Variants in DENND4A observed in about 807,000 individuals in gnomAD.
DENND4A encodes the protein C-myc promoter-binding protein.
In DENND4A, 70 loss-of-function variants were observed where a neutral mutation model predicts 199.3. That is an observed-to-expected ratio of 0.35 (90% CI 0.29 to 0.43). The LOEUF (loss-of-function observed/expected upper bound fraction) is 0.43. Ranked by LOEUF, DENND4A falls within the 20% of genes least tolerant of loss-of-function variation. The pLI, the probability that DENND4A is intolerant of heterozygous loss-of-function variation, is 1.00. For missense variants in DENND4A, 1,723 were observed against 2,255.8 expected, an observed-to-expected ratio of 0.76 and a Z score of 4.78; for synonymous variants, 686 against 766.9, an observed-to-expected ratio of 0.89 and a Z score of 1.74.
chr15:65,704,812 G>A (rs945424176), intron 15 of DENND4A, among the ~76,000 whole-genome samples: 1 of 151,142 alleles, frequency 6.6e-6, no homozygotes, highest in Non-Finnish European at 1.5e-5. Flanking sequence ...GGTTGGTCTC[G>A]AACTCCTGAC....
At chr15:65,666,377 A>G (rs981931231) in intron 29 of DENND4A, among the ~76,000 whole-genome samples, 4 of 152,210 alleles carry the variant, frequency 2.6e-5, no homozygotes, top group Non-Finnish European at 5.9e-5. Context: ...CTACTCAATG[A>G]TTAACAAGCA....
At chr15:65,756,088 C>T (rs965340762) in intron 3 of DENND4A, 52 bp downstream of exon 3, 3 of 1,427,864 alleles carry the variant, frequency 2.1e-6, no homozygotes, top group Non-Finnish European at 2.8e-6. Context: ...TCCAAATCTA[C>T]AAGGCATATT....
At chr15:65,788,879 T>G (rs1348136235) in intron 1 of DENND4A, among the ~76,000 whole-genome samples, 1 of 132,624 alleles carries the variant, frequency 7.5e-6, no homozygotes, top group South Asian at 2.4e-4. Flanking sequence ...AAAAAAAAAG[T>G]AATAATTATT....
chr15:65,771,593 T>G (rs1197460393), intron 1 of DENND4A: 1 of 1,612,758 alleles, frequency 6.2e-7, no homozygotes, highest in Non-Finnish European at 8.5e-7. Context: ...TCCTCTTTCC[T>G]CTTCTCTTTC....
In DENND4A at chr15:65,661,910, T is replaced by G; in HGVS notation, c.5665A>C (p.Arg1889=). 1 of 1,613,150 alleles carries G rather than the reference T, an allele frequency of 6.2e-7. No homozygotes were observed. Among genetic ancestry groups the G allele is most frequent in the South Asian group, 1.1e-5 (1 of 90,800 alleles). ...TCCATCACCCCTGTACTTGGTGGTC[T>G]ATCACAGTTGTGTGTACTCTTGACT... ...SQVKSTHNCD[R]PPSTGVMECR... Residue 1889 remains arginine (R), a synonymous_variant, in exon 33 of 33, where the codon AGA becomes CGA. Coordinates refer to ENST00000443035, the MANE Select transcript of DENND4A (RefSeq NM_001320835.1).
chr15:65,760,948 G>T (rs1343571126), intron 2 of DENND4A, among the ~76,000 whole-genome samples: 3 of 152,026 alleles, frequency 2.0e-5, no homozygotes, highest in Non-Finnish European at 2.9e-5. Context: ...TATTTAATAA[G>T]TTTTTTTGAG....
At chr15:65,758,575 G>A (rs549234898) in intron 2 of DENND4A, among the ~76,000 whole-genome samples, 1 of 152,272 alleles carries the variant, frequency 6.6e-6, no homozygotes, top group Admixed American at 6.5e-5. Context: ...GCCTCCCAAA[G>A]TGTTGGGATT....
chr15:65,772,706 CAAAAAAAAAAAAAAAAA>C lies in DENND4A; in HGVS notation c.-101-11285_-101-11269del, dbSNP rs34181353. 2.1e-4 allele frequency among the ~76,000 whole-genome samples: 7 copies of C among 33,596 alleles called. No homozygotes were observed. The East Asian group carries it at 3.4e-3, about 16-fold the overall frequency. 22.0% of individuals were successfully genotyped at this position (33,596 alleles called of 152,430 possible). A position where few individuals can be genotyped will look rare whatever the true frequency, so the allele number is the denominator to read the frequency against. On this transcript the variant is annotated intron_variant, in intron 1 of 32. Transcript: ENST00000443035. ...TGGGCAACAAAATGAGACTCCGTCTCAAAAAAAAAAAAAAAAAAAAAAAAAAAAAAGACCTGATATTT... is the reference window on the plus strand; with the variant it reads ...TGGGCAACAAAATGAGACTCCGTCTCAAAAAAAAAAAAAGACCTGATATTT...
intron 1 of DENND4A, among the ~76,000 whole-genome samples, chr15:65,783,798 A>G (rs1175067315): frequency 6.6e-6 from 1 of 152,246 alleles, no homozygotes; most frequent in Non-Finnish European, 1.5e-5. Context: ...GTCCATACAT[A>G]TATAAATAAA....
chr15:65,746,077 G>C (rs2076380764), intron 4 of DENND4A, among the ~76,000 whole-genome samples: 1 of 151,440 alleles, frequency 6.6e-6, no homozygotes. Context: ...GGAGGCGGAG[G>C]TTGCGGTGTG....
rs571339231 is a variant in DENND4A, at chr15:65,755,068, TA to T, written c.311+1071del. 2.0e-4 allele frequency among the ~76,000 whole-genome samples: 31 copies of T among 152,290 alleles called. No individual in the cohort carries two copies. The East Asian group carries it at 4.0e-3, about 20-fold the overall frequency. On this transcript the variant is annotated intron_variant, in intron 3 of 32. Coordinates refer to ENST00000443035, the MANE Select transcript of DENND4A (RefSeq NM_001320835.1). Reference sequence around the variant, plus strand: ...CATATGATGGAATATTATTCAGTCATAAAATGGAATAAAGTACCGACACATA... The same window carrying T: ...CATATGATGGAATATTATTCAGTCATAAATGGAATAAAGTACCGACACATA...
chr15:65,731,211 T>C (rs548906301), intron 9 of DENND4A, among the ~76,000 whole-genome samples: 2 of 152,148 alleles, frequency 1.3e-5, no homozygotes, highest in African/African-American at 4.8e-5. Context: ...TCTGAACTTC[T>C]AAGGTAAGAA....
intron 13 of DENND4A, among the ~76,000 whole-genome samples, chr15:65,717,538 C>T (rs1418048424): frequency 2.6e-5 from 4 of 151,948 alleles, no homozygotes; most frequent in African/African-American, 7.3e-5. Context: ...AAAGTGTAGT[C>T]GGTATATGGT....
In DENND4A at chr15:65,660,292, G is replaced by GA. The variant is rs2075812508; in HGVS notation, c.*1558dup. 4 of 1,535,200 alleles carry GA rather than the reference G, an allele frequency of 2.6e-6. No homozygotes were observed. The highest frequency in any genetic ancestry group is 2.7e-5 in the African/African-American group (2 of 73,044). ...ATTATTTCCCAGAGTTGGAAGCTGT[G>GA]AAATGTTTCAGCATGGTGCTATTCA... On this transcript the variant is annotated 3_prime_UTR_variant, in exon 33 of 33. Transcript: ENST00000443035.
chr15:65,727,522 G>C (rs1014354606), intron 11 of DENND4A, among the ~76,000 whole-genome samples: 2 of 151,884 alleles, frequency 1.3e-5, no homozygotes, highest in Admixed American at 1.3e-4. Flanking sequence ...AGCTACCTGG[G>C]AGGCTGAGGC....
chr15:65,714,141 G>A (rs1387046783), intron 14 of DENND4A, among the ~76,000 whole-genome samples: 1 of 152,132 alleles, frequency 6.6e-6, no homozygotes, highest in Non-Finnish European at 1.5e-5. Context: ...GCCGGGTGCA[G>A]TGGCTTATGT....
In DENND4A at chr15:65,761,377, T is replaced by C. The variant is rs1430986006; in HGVS notation, c.-40A>G. 1.3e-5 allele frequency: 2 copies of C among 152,188 alleles called. No individual in the cohort carries two copies. Among genetic ancestry groups the C allele is most frequent in the East Asian group, 3.8e-4 (2 of 5,202 alleles). The allele number at this position is 152,188 out of a possible 1,614,324, so 9.4% of individuals were successfully genotyped here. Reference sequence around the variant, plus strand: ...CTACTTACACATTACCGAAAGTTTCTCTCTGAAAAAGATGACAGATTTCAA... The same window carrying C: ...CTACTTACACATTACCGAAAGTTTCCCTCTGAAAAAGATGACAGATTTCAA... On this transcript the variant is annotated 5_prime_UTR_variant, in exon 2 of 33. Transcript: ENST00000443035.
chr15:65,714,390 G>A (rs1334818754), intron 14 of DENND4A, among the ~76,000 whole-genome samples: 1 of 149,712 alleles, frequency 6.7e-6, no homozygotes, highest in African/African-American at 2.5e-5. Context: ...TCCAGCCTGG[G>A]TGACAGAGCG....
rs767483799 is a variant in DENND4A at position 65,667,985 on chromosome 15, A to T, written c.4926T>A (p.Asp1642Glu). Residue 1642 changes from aspartate to glutamate, a missense_variant, in exon 28 of 33, where the codon GAT (aspartate) becomes GAA (glutamate). This residue lies in a region of DENND4A where 141 missense variants were observed against 170.7 expected (regional missense o/e 0.83). Transcript: ENST00000443035. The stretch of plus-strand genomic sequence containing the variant: ...TAGAAATGAGCTTCTGTCTTCCAGT[A>T]TCTTCCTTATCCAAGGGGCCAGAAG... ...ISTSGPLDKE[D>E]TGRQKLISTG... is the part of the protein sequence containing the mutation. 17 of 1,612,156 alleles carry T rather than the reference A, an allele frequency of 1.1e-5. No individual in the cohort carries two copies. In the African/African-American group the frequency reaches 2.0e-4, roughly 19 times the overall value.
Sources: gnomAD v4.1 joint callset for allele counts (sites outside exome capture counted in the v4.1 genomes callset) on GRCh38, gnomAD v4.1.1 for gene constraint, gnomAD v4.1.1 regional missense constraint, MANE v1.5 for transcripts, NCBI Gene and HGNC (gene_info 2026-07-23, HGNC 2026-07-21) for gene names.